RNF212: variants seen among roughly 807,000 people sequenced by gnomAD.
RNF212 encodes probable E3 SUMO-protein ligase RNF212.
In RNF212, 33 loss-of-function variants were observed where a neutral mutation model predicts 34.7. That is an observed-to-expected ratio of 0.95 (90% CI 0.72 to 1.27). The LOEUF (loss-of-function observed/expected upper bound fraction) is 1.27. Ranked by LOEUF, RNF212 falls within the 50% of genes most tolerant of loss-of-function variation. RNF212 has a pLI of 0.00. For missense variants in RNF212, 377 were observed against 362.2 expected (o/e 1.04, Z -0.33); for synonymous variants, 140 against 136.1 (o/e 1.03, Z -0.20).
At position 1,094,968 on chromosome 4, in the gene RNF212, T is replaced by C. The variant is rs371621127; in HGVS notation, c.246+1797A>G. 8.5e-5 allele frequency among the ~76,000 whole-genome samples: 13 copies of C among 152,248 alleles called. No homozygotes were observed. The South Asian group carries it at 2.7e-3, about 32-fold the overall frequency. On this transcript the variant is annotated intron_variant, in intron 3 of 9. Transcript: ENST00000433731. ...TGTTTCACCATTAAGAAAGTAAAAA[T>C]TCAACCCACAGAAATATTTTGGCAG...
intron 1 of RNF212, 56 bp downstream of exon 1, chr4:1,113,300 C>T: frequency 1.3e-6 from 1 of 796,802 alleles, no homozygotes; most frequent in Non-Finnish European, 1.7e-6. Context: ...CCCGGAGTTC[C>T]CTGACCCCCT....
At chr4:1,094,775 G>T (rs1286581171) in intron 3 of RNF212, among the ~76,000 whole-genome samples, 1 of 152,194 alleles carries the variant, frequency 6.6e-6, no homozygotes, top group African/African-American at 2.4e-5. Context: ...ATCTGGTGGG[G>T]AGGGCTCCCA....
intron 3 of RNF212, among the ~76,000 whole-genome samples, chr4:1,060,163 C>G (rs1021553562): frequency 6.7e-6 from 1 of 149,302 alleles, no homozygotes. Flanking sequence ...TTCAAGATAA[C>G]TATTATCAAC....
chr4:1,099,310 A>C (rs1723554032), intron 2 of RNF212, among the ~76,000 whole-genome samples: 1 of 152,284 alleles, frequency 6.6e-6, no homozygotes, highest in African/African-American at 2.4e-5. Context: ...ACAGCCCAGC[A>C]CTAAAATAAA....
At chr4:1,090,462 G>A (rs1173297636) in intron 4 of RNF212, among the ~76,000 whole-genome samples, 1 of 152,192 alleles carries the variant, frequency 6.6e-6, no homozygotes, top group Non-Finnish European at 1.5e-5. Context: ...GGATGGTTGA[G>A]CAGAGAAGCC....
intron 3 of RNF212, among the ~76,000 whole-genome samples, chr4:1,065,030 A>G (rs73793931): frequency 0.019 from 2,938 of 152,320 alleles, 90 homozygotes; most frequent in African/African-American, 0.067. Flanking sequence ...CATTGTGCCT[A>G]TCCATTCATC....
chr4:1,060,902 T>C (rs910872311), intron 3 of RNF212, among the ~76,000 whole-genome samples: 2 of 152,166 alleles, frequency 1.3e-5, no homozygotes, highest in Non-Finnish European at 2.9e-5. Flanking sequence ...GTTCAACAAC[T>C]CATTCAATGA....
intron 3 of RNF212, among the ~76,000 whole-genome samples, chr4:1,092,754 C>A (rs1055098182): frequency 6.6e-6 from 1 of 152,246 alleles, no homozygotes; most frequent in Admixed American, 6.5e-5. Context: ...GGAAGAGCTG[C>A]CCGGTGCTCA....
At chr4:1,095,044 G>A (rs1200739178) in intron 3 of RNF212, among the ~76,000 whole-genome samples, 3 of 152,140 alleles carry the variant, frequency 2.0e-5, no homozygotes, top group Non-Finnish European at 4.4e-5. Flanking sequence ...CCAGAACACA[G>A]AAAACACATG....
rs1329430288 is a variant in RNF212 at position 1,096,732 on chromosome 4, T to C, written c.246+33A>G. 15 of 1,515,258 alleles carry C rather than the reference T, an allele frequency of 9.9e-6. No homozygotes were observed. The Admixed American group carries it at 2.5e-4, about 25-fold the overall frequency. 93.9% of individuals were successfully genotyped at this position (1,515,258 alleles called of 1,614,324 possible). On this transcript the variant is annotated intron_variant, in intron 3 of 9. Transcript: ENST00000433731. ...GTCTCGGGATAGTGCACCTGGCTCA[T>C]CACGGAACCAAGCCACACCCCTCAC... is the stretch of plus-strand genomic sequence containing the variant.
chr4:1,100,057 G>T lies in RNF212; in HGVS notation c.172-3218C>A, dbSNP rs1723719264. 23 of 363,252 alleles carry T rather than the reference G, an allele frequency of 6.3e-5. 1 individual carries two copies. The highest frequency in any genetic ancestry group is 4.7e-4 in the South Asian group (23 of 49,176). The allele number at this position is 363,252 out of a possible 1,614,324, so 22.5% of individuals were successfully genotyped here. Reference sequence around the variant, plus strand: ...AAACACACAGATTGTACTGGCTACAGCACGATACTGTCCTTGGGGCGCCAG... The same window carrying T: ...AAACACACAGATTGTACTGGCTACATCACGATACTGTCCTTGGGGCGCCAG... On this transcript the variant is annotated intron_variant, in intron 2 of 9. Transcript: ENST00000433731.
chr4:1,090,989 G>A (rs1446523587), intron 3 of RNF212, 151 bp from the exon 4 acceptor site: 2 of 598,122 alleles, frequency 3.3e-6, no homozygotes, highest in Non-Finnish European at 5.9e-6. Context: ...CCCATGGCCA[G>A]TGCTTGCACA....
chr4:1,065,005 C>T (rs1307644476), intron 3 of RNF212, among the ~76,000 whole-genome samples: 6 of 152,266 alleles, frequency 3.9e-5, no homozygotes, highest in African/African-American at 9.6e-5. Context: ...TCATAGCCCA[C>T]TGTACGGAGA....
At chr4:1,073,568 T>A in intron 9 of RNF212, 31 bp downstream of exon 9, 1 of 1,455,086 alleles carries the variant, frequency 6.9e-7, no homozygotes, top group Non-Finnish European at 9.7e-7. Context: ...GATGCATGTA[T>A]CGGTCTGAGG....
rs1726164047 is a variant in RNF212, at chr4:1,113,515, A to C, written c.-51T>G. 1 of 1,507,050 alleles carries C rather than the reference A, an allele frequency of 6.6e-7. No homozygotes were observed. The highest frequency in any genetic ancestry group is 9.1e-7 in the Non-Finnish European group (1 of 1,097,212). 93.4% of individuals were successfully genotyped at this position (1,507,050 alleles called of 1,614,324 possible). ...GGCCGGGCCCACGCGAAGCCCACGCAAGGTTGGGACCAGCCTCCCCGCGCA... is the reference window on the plus strand; with the variant it reads ...GGCCGGGCCCACGCGAAGCCCACGCCAGGTTGGGACCAGCCTCCCCGCGCA... On this transcript the variant is annotated 5_prime_UTR_variant, in exon 1 of 10. Transcript: ENST00000433731.
chr4:1,083,758 G>A (rs1424207839), intron 5 of RNF212, among the ~76,000 whole-genome samples: 3 of 152,144 alleles, frequency 2.0e-5, no homozygotes, highest in African/African-American at 4.8e-5. Context: ...CTAAGACGAC[G>A]GAGATCACAG....
chr4:1,099,236 G>A (rs1029001127), intron 2 of RNF212, among the ~76,000 whole-genome samples: 6 of 152,164 alleles, frequency 3.9e-5, no homozygotes, highest in African/African-American at 1.4e-4. Context: ...AAAGAATTCT[G>A]AAGTCTGTGA....
At chr4:1,093,747 C>T (rs1488848532) in intron 3 of RNF212, 2 of 1,536,074 alleles carry the variant, frequency 1.3e-6, no homozygotes, top group African/African-American at 1.4e-5. Context: ...AACTTCTGGC[C>T]CCAAGGGGAC....
intron 3 of RNF212, chr4:1,093,710 T>G (rs1722572207): frequency 3.9e-6 from 6 of 1,536,110 alleles, no homozygotes; most frequent in Non-Finnish European, 5.2e-6. Context: ...ATGTCTGTGA[T>G]AACAGACATG....
Sources: gnomAD v4.1 joint callset for allele counts (sites outside exome capture counted in the v4.1 genomes callset) on GRCh38, gnomAD v4.1.1 for gene constraint, MANE v1.5 for transcripts, NCBI Gene and HGNC (gene_info 2026-07-23, HGNC 2026-07-21) for gene names.